The following MARCHF1 variants were observed in gnomAD, a reference collection of about 807,000 sequenced individuals.
MARCHF1 encodes the protein E3 ubiquitin-protein ligase MARCHF1.
Under a neutral mutation model 54.2 loss-of-function variants are expected in MARCHF1, and 40 were observed. The ratio of observed to expected loss-of-function variants is 0.74; its 90% CI spans 0.57 to 0.96. The LOEUF (loss-of-function observed/expected upper bound fraction) is 0.96. MARCHF1 is among the 40% of genes least tolerant of loss of function. The probability of loss-of-function intolerance (pLI) is 0.00; values close to 1 mark genes in which losing one functional copy is unlikely to be tolerated. For missense variants in MARCHF1, 586 were observed against 656.5 expected, an observed-to-expected ratio of 0.89 and a Z score of 1.17; for synonymous variants, 236 against 236.3, an observed-to-expected ratio of 1.00 and a Z score of 0.01.
In MARCHF1 at chr4:163,731,627, G is replaced by A. The variant is rs571577622; in HGVS notation, c.112-30764C>T. On this transcript the variant is annotated intron_variant, in intron 4 of 9. Coordinates refer to ENST00000514618, the MANE Select transcript of MARCHF1 (RefSeq NM_001394959.1). Reference sequence around the variant, plus strand: ...AGAGGGACAGTATGGCTGAGTGAGGGAGCTCCAGAGATCTGCAGGAGATCT... The same window carrying A: ...AGAGGGACAGTATGGCTGAGTGAGGAAGCTCCAGAGATCTGCAGGAGATCT... Among the ~76,000 whole-genome samples, 42 of 152,260 alleles carry A rather than the reference G, an allele frequency of 2.8e-4. 1 individual carries two copies. In the South Asian group the frequency reaches 8.3e-3, roughly 30 times the overall value.
At chr4:164,240,527 C>G (rs1732709511) in intron 1 of MARCHF1, among the ~76,000 whole-genome samples, 2 of 151,988 alleles carry the variant, frequency 1.3e-5, no homozygotes, top group African/African-American at 4.8e-5. Context: ...TACTCCTTTA[C>G]CAAAAAAGCT....
chr4:164,000,990 G>A (rs2110917282), intron 2 of MARCHF1, among the ~76,000 whole-genome samples: 1 of 151,702 alleles, frequency 6.6e-6, no homozygotes, highest in East Asian at 1.9e-4. Flanking sequence ...GCTAACAGTA[G>A]CTACTATTAA....
chr4:164,299,511 C>G (rs1166892294), intron 1 of MARCHF1, among the ~76,000 whole-genome samples: 3 of 152,078 alleles, frequency 2.0e-5, no homozygotes, highest in Non-Finnish European at 2.9e-5. Flanking sequence ...ATCAAAAGTA[C>G]ATAAGGCATA....
rs1367737462 is a variant in MARCHF1, at chr4:164,145,405, T to C, written c.-322-33743A>G. Among the ~76,000 whole-genome samples the C allele has an allele frequency of 2.0e-5, 3 of 152,048 alleles. No individual in the cohort carries two copies. The East Asian group carries it at 5.8e-4, about 30-fold the overall frequency. On this transcript the variant is annotated intron_variant, in intron 1 of 9. Coordinates refer to ENST00000514618, the MANE Select transcript of MARCHF1 (RefSeq NM_001394959.1). ...TTTAGACCAATATCCTTGATGAACATTGATGCAAAAATCCTCAGTATAATA... is the reference window on the plus strand; with the variant it reads ...TTTAGACCAATATCCTTGATGAACACTGATGCAAAAATCCTCAGTATAATA...
At chr4:164,122,775 C>G (rs2915258) in intron 1 of MARCHF1, among the ~76,000 whole-genome samples, 148,501 of 152,130 alleles carry the variant, frequency 0.98, 72,587 homozygotes, top group East Asian at 1. Context: ...GAACCCCAGG[C>G]CATATACCCC....
At chr4:163,942,321 C>A (rs1751928821) in intron 3 of MARCHF1, among the ~76,000 whole-genome samples, 2 of 152,176 alleles carry the variant, frequency 1.3e-5, no homozygotes, top group South Asian at 4.1e-4. Flanking sequence ...GTATACAGTT[C>A]TTTTAGAAGC....
At chr4:163,960,941 T>C (rs1292770787) in intron 3 of MARCHF1, among the ~76,000 whole-genome samples, 1 of 151,890 alleles carries the variant, frequency 6.6e-6, no homozygotes, top group Non-Finnish European at 1.5e-5. Context: ...TTTTCTAGCT[T>C]ATAGACAGCC....
At chr4:163,581,362 C>G (rs1381623357) in intron 8 of MARCHF1, among the ~76,000 whole-genome samples, 1 of 152,154 alleles carries the variant, frequency 6.6e-6, no homozygotes, top group Admixed American at 6.5e-5. Context: ...ATGTGGTGGT[C>G]ATATCAGTGA....
chr4:164,106,716 T>C (rs865995833), intron 2 of MARCHF1, among the ~76,000 whole-genome samples: 129 of 146,034 alleles, frequency 8.8e-4, no homozygotes, highest in African/African-American at 3.1e-3. Flanking sequence ...TGTATACATA[T>C]GTAACTAACC....
intron 3 of MARCHF1, among the ~76,000 whole-genome samples, chr4:163,930,478 G>GT (rs34173667): frequency 0.2 from 26,730 of 134,366 alleles, 2,806 homozygotes; most frequent in South Asian, 0.35. Context: ...TGAAAATGGT[G>GT]TTTTTTTTTT....
chr4:163,611,741 C>A (rs768745566), intron 7 of MARCHF1, among the ~76,000 whole-genome samples: 6 of 152,206 alleles, frequency 3.9e-5, no homozygotes, highest in Admixed American at 1.3e-4. Flanking sequence ...CAGGCTCTTG[C>A]AACCCCACTG....
At chr4:163,728,214 C>T (rs72993182) in intron 4 of MARCHF1, among the ~76,000 whole-genome samples, 6,942 of 152,128 alleles carry the variant, frequency 0.046, 495 homozygotes, top group East Asian at 0.28. Context: ...TTTTTATCAC[C>T]CCCTTTTTTT....
intron 2 of MARCHF1, among the ~76,000 whole-genome samples, chr4:164,034,755 C>T (rs1160655234): frequency 6.6e-6 from 1 of 151,770 alleles, no homozygotes; most frequent in Non-Finnish European, 1.5e-5. Context: ...GTGGCATAGC[C>T]CAATATATGT....
chr4:163,957,583 T>A (rs1752255397), intron 3 of MARCHF1, among the ~76,000 whole-genome samples: 2 of 152,016 alleles, frequency 1.3e-5, no homozygotes, highest in Non-Finnish European at 2.9e-5. Flanking sequence ...CTTTAATAGG[T>A]GGCAGATATA....
At chr4:164,156,746 A>G (rs920879516) in intron 1 of MARCHF1, among the ~76,000 whole-genome samples, 1 of 152,112 alleles carries the variant, frequency 6.6e-6, no homozygotes, top group African/African-American at 2.4e-5. Flanking sequence ...TTGTCATTTT[A>G]TAGGAGATGA....
At chr4:164,003,420 A>C (rs1029630008) in intron 2 of MARCHF1, among the ~76,000 whole-genome samples, 8 of 152,096 alleles carry the variant, frequency 5.3e-5, no homozygotes, top group African/African-American at 1.9e-4. Context: ...AAGCAGAAGC[A>C]AACTACAGTA....
chr4:164,096,933 G>A (rs1003007771), intron 2 of MARCHF1, among the ~76,000 whole-genome samples: 7 of 152,080 alleles, frequency 4.6e-5, no homozygotes, highest in African/African-American at 1.7e-4. Context: ...AGAAATCACT[G>A]AAGCCTTTAC....
intron 3 of MARCHF1, among the ~76,000 whole-genome samples, chr4:163,905,379 A>G (rs1751043035): frequency 1.3e-5 from 2 of 152,126 alleles, no homozygotes; most frequent in Non-Finnish European, 2.9e-5. Flanking sequence ...TATGCTGTTA[A>G]TGATTACTCT....
intron 3 of MARCHF1, among the ~76,000 whole-genome samples, chr4:163,972,198 G>C (rs746122093): frequency 9.9e-5 from 15 of 152,086 alleles, no homozygotes; most frequent in South Asian, 2.1e-4. Context: ...GAGCCTATCA[G>C]GGGGTGGGGA....
Sources: allele counts gnomAD v4.1 joint callset (sites outside exome capture counted in the v4.1 genomes callset), GRCh38; gene constraint gnomAD v4.1.1; transcripts MANE v1.5; gene names NCBI Gene and HGNC (gene_info 2026-07-23, HGNC 2026-07-21).